Variants in RIF1 observed in about 807,000 individuals in gnomAD.
RIF1 encodes replication timing regulatory factor 1.
In RIF1, 45 loss-of-function variants were observed where a neutral mutation model predicts 247.1. The observed-to-expected ratio is 0.18, with a 90% CI of 0.14 to 0.23. RIF1 has a LOEUF of 0.23. RIF1 is among the 10% of genes least tolerant of loss of function. The pLI is 1.00. For synonymous variants in RIF1, 1,087 were observed against 978.8 expected (o/e 1.11, Z -2.06); for missense variants, 2,967 against 2,862.5 (o/e 1.04, Z -0.83).
intron 8 of RIF1, among the ~76,000 whole-genome samples, chr2:151,426,300 G>A (rs1689091555): frequency 6.8e-6 from 1 of 146,340 alleles, no homozygotes; most frequent in Admixed American, 7.1e-5. Flanking sequence ...TCAGCCTCCC[G>A]AGTAGCTGAG....
intron 9 of RIF1, among the ~76,000 whole-genome samples, chr2:151,429,810 C>T (rs1319759403): frequency 6.6e-6 from 1 of 152,040 alleles, no homozygotes. Flanking sequence ...AATATATTCA[C>T]AAGAAAGAAT....
chr2:151,413,564 C>T (rs1686658394), intron 3 of RIF1, among the ~76,000 whole-genome samples: 1 of 152,172 alleles, frequency 6.6e-6, no homozygotes, highest in Admixed American at 6.5e-5. Flanking sequence ...TGAGACACAT[C>T]ATCGTTAAGG....
chr2:151,433,523 C>T (rs541533987), intron 10 of RIF1, among the ~76,000 whole-genome samples: 4 of 152,204 alleles, frequency 2.6e-5, no homozygotes, highest in African/African-American at 9.6e-5. Flanking sequence ...GGCACGATCT[C>T]GGCTCACTGC....
chr2:151,471,979 A>C (rs995527669), intron 34 of RIF1, among the ~76,000 whole-genome samples: 2 of 152,130 alleles, frequency 1.3e-5, no homozygotes, highest in African/African-American at 4.8e-5. Context: ...GATTTTCACA[A>C]TATTGATTCT....
the RIF1 span, among the ~76,000 whole-genome samples, chr2:151,515,137 CTT>C: frequency 2.4e-3 from 369 of 152,302 alleles, 1 homozygote; most frequent in Non-Finnish European, 4.0e-3. Context: ...GGCTGAGACA[CTT>C]TGATGGGCCC....
At chr2:151,423,626 T>C (rs1180234704) in intron 8 of RIF1, 1 of 152,408 alleles carries the variant, frequency 6.6e-6, no homozygotes, top group Non-Finnish European at 1.5e-5. Context: ...AAAAGTGTTG[T>C]GTCCAGAGAA....
chr2:151,508,247 T>C (rs2070912143), downstream of RIF1: 2 of 549,870 alleles, frequency 3.6e-6, no homozygotes, highest in Non-Finnish European at 6.4e-6. Flanking sequence ...TCCAAGGATG[T>C]TAGGGCATCG....
At position 151,478,242 on chromosome 2, in the gene RIF1, G is replaced by C. The variant is rs920202229; in HGVS notation, c.*3171G>C. On this transcript the variant is annotated 3_prime_UTR_variant, in exon 36 of 36. Transcript: ENST00000444746. ...ATTTAAACCCGCACATTAAAAGCAT[G>C]ACTGAAGGCCCGGCAGGTGGATCAC... 6.6e-6 allele frequency: 1 copy of C among 152,184 alleles called. No homozygotes were observed. The highest frequency in any genetic ancestry group is 1.5e-5 in the Non-Finnish European group (1 of 68,046). The allele number at this position is 152,184 out of a possible 1,614,324, so 9.4% of individuals were successfully genotyped here.
At chr2:151,449,291 T>G (rs1009588659) in intron 20 of RIF1, among the ~76,000 whole-genome samples, 1 of 152,216 alleles carries the variant, frequency 6.6e-6, no homozygotes, top group African/African-American at 2.4e-5. Flanking sequence ...ATGTATATCT[T>G]CATTAGTGAT....
At chr2:151,500,840 C>T (rs2063919058) in intron 11 of RIF1, among the ~76,000 whole-genome samples, 1 of 152,102 alleles carries the variant, frequency 6.6e-6, no homozygotes, top group Non-Finnish European at 1.5e-5. Context: ...CTCAAGTGAT[C>T]TGCCTGCCTC....
chr2:151,410,594 G>A (rs925897893), intron 2 of RIF1, 67 bp downstream of exon 2: 7 of 1,259,478 alleles, frequency 5.6e-6, no homozygotes, highest in Non-Finnish European at 6.9e-6. Flanking sequence ...AAGGTGGTTG[G>A]GAGGGGCGCG....
rs544907653 is a variant in RIF1 at position 151,425,488 on chromosome 2, G to A, written c.786+2446G>A. On this transcript the variant is annotated intron_variant, in intron 8 of 35. Coordinates refer to ENST00000444746, the MANE Select transcript of RIF1 (RefSeq NM_018151.5). ...GTCATTTTTGTTTCCCAATGCTTTC[G>A]TCTAAGAATTTTCCAGTTTTAGATC... Among the ~76,000 whole-genome samples, 10 of 151,894 alleles carry A rather than the reference G, an allele frequency of 6.6e-5. 1 individual carries two copies. In the South Asian group the frequency reaches 1.9e-3, roughly 28 times the overall value.
In RIF1 at chr2:151,409,935, C is replaced by T; in HGVS notation, c.-109C>T. 1.4e-6 allele frequency: 1 copy of T among 701,132 alleles called. No homozygotes were observed. Among genetic ancestry groups the T allele is most frequent in the South Asian group, 1.5e-5 (1 of 66,798 alleles). 43.4% of individuals were successfully genotyped at this position (701,132 alleles called of 1,614,324 possible). On this transcript the variant is annotated 5_prime_UTR_variant, in exon 1 of 36. Coordinates refer to ENST00000444746, the MANE Select transcript of RIF1 (RefSeq NM_018151.5). Reference sequence around the variant, plus strand: ...TCTTGGTCTAGGAGGGAGCGCGCCGCACGCGTGAGTAAACAGCCGGAGCTG... The same window carrying T: ...TCTTGGTCTAGGAGGGAGCGCGCCGTACGCGTGAGTAAACAGCCGGAGCTG...
In RIF1 at chr2:151,465,357, A is replaced by G; in HGVS notation, c.5837A>G (p.Asn1946Ser). The change falls in exon 30 of 36, where the codon AAT becomes AGT. Residue 1946 changes from asparagine to serine, a missense_variant. This residue lies in a region of RIF1 where 2,028 missense variants were observed against 1,825.6 expected (regional missense o/e 1.11). Transcript: ENST00000444746. ...TCTGAAGAAGCAGCAATAGAAGAAA[A>G]TAAAAGAAATGATGACTCTGAAGCA... ...GISEEAAIEENKRNDDSEADT... is the reference protein window; with the variant it reads ...GISEEAAIEESKRNDDSEADT... 6.2e-7 allele frequency: 1 copy of G among 1,613,850 alleles called. No individual in the cohort carries two copies. The highest frequency in any genetic ancestry group is 2.2e-5 in the East Asian group (1 of 44,866).
At chr2:151,454,561 G>C (rs980263979) in intron 21 of RIF1, among the ~76,000 whole-genome samples, 1 of 151,970 alleles carries the variant, frequency 6.6e-6, no homozygotes, top group South Asian at 2.1e-4. Context: ...GTACTTTCTT[G>C]CATATTAGTT....
Position 151,463,786 on chromosome 2 carries a change from A to G in RIF1, c.4266A>G (p.Ser1422=), listed in dbSNP as rs1354899827. ...KTLRRSSRRR[S]EVVESTTESQ... is the part of the protein sequence containing the mutation. The stretch of plus-strand genomic sequence containing the variant: ...TTAGACGGTCTTCAAGGCGACGTTC[A>G]GAAGTAGTAGAGTCTACCACTGAAA... Residue 1422 remains serine (S), a synonymous_variant, in exon 30 of 36, where the codon TCA becomes TCG. Transcript: ENST00000444746. 2 of 1,613,872 alleles carry G rather than the reference A, an allele frequency of 1.2e-6. No homozygotes were observed. Among genetic ancestry groups the G allele is most frequent in the East Asian group, 2.2e-5 (1 of 44,870 alleles).
chr2:151,446,505 C>A lies in RIF1; in HGVS notation c.2174C>A (p.Ala725Glu). ...FARCAALVATAEENLCCEELS... is the reference protein window; with the variant it reads ...FARCAALVATEEENLCCEELS... ...CGTTGTGCTGCTTTGGTGGCAACAG[C>A]AGAAGAGAACTTGTGCTGTGAGGAA... The change falls in exon 20 of 36, where the codon GCA becomes GAA. Residue 725 changes from alanine (A) to glutamate (E), a missense_variant. Coordinates refer to ENST00000444746, the MANE Select transcript of RIF1 (RefSeq NM_018151.5). 6.2e-7 allele frequency: 1 copy of A among 1,613,710 alleles called. No homozygotes were observed. Among genetic ancestry groups the A allele is most frequent in the Non-Finnish European group, 8.5e-7 (1 of 1,179,904 alleles).
chr2:151,448,825 G>A (rs1167992309), intron 20 of RIF1, among the ~76,000 whole-genome samples: 1 of 152,190 alleles, frequency 6.6e-6, no homozygotes, highest in Admixed American at 6.5e-5. Flanking sequence ...AATAAACAAT[G>A]TGCAGGTTTT....
At chr2:151,429,236 A>G (rs1373649171) in intron 9 of RIF1, among the ~76,000 whole-genome samples, 2 of 152,102 alleles carry the variant, frequency 1.3e-5, no homozygotes, top group Non-Finnish European at 2.9e-5. Flanking sequence ...GCTGGAGTGC[A>G]GTGATGGGAT....
Sources: gnomAD v4.1 joint callset for allele counts (sites outside exome capture counted in the v4.1 genomes callset) on GRCh38, gnomAD v4.1.1 for gene constraint, gnomAD v4.1.1 regional missense constraint, MANE v1.5 for transcripts, NCBI Gene and HGNC (gene_info 2026-07-23, HGNC 2026-07-21) for gene names.